Variants in TGFBR1 observed in about 807,000 individuals in gnomAD.
TGFBR1 encodes TGF-beta receptor type-1.
A neutral mutation model predicts 55.1 loss-of-function variants in TGFBR1; 20 were observed. The observed-to-expected ratio is 0.36, with a 90% CI of 0.26 to 0.53. The LOEUF (loss-of-function observed/expected upper bound fraction) is 0.53. TGFBR1 is among the 20% of genes least tolerant of loss of function. The pLI is 0.91. For synonymous variants in TGFBR1, 220 were observed against 214.8 expected, an observed-to-expected ratio of 1.02 and a Z score of -0.21; for missense variants, 385 against 617.6, an observed-to-expected ratio of 0.62 and a Z score of 3.99.
In TGFBR1 at chr9:99,129,101, G is replaced by A. The variant is rs144775920; in HGVS notation, c.343+1G>A. On this transcript the variant is annotated splice_donor_variant, in intron 2 of 8. Transcript: ENST00000374994. LOFTEE classifies it high-confidence loss of function. ...AATAAAATAGAACTTCCAACTACTGGTAAGTTGTATAAAATTTTTTTCCTA... is the reference window on the plus strand; with the variant it reads ...AATAAAATAGAACTTCCAACTACTGATAAGTTGTATAAAATTTTTTTCCTA... 6.2e-7 allele frequency: 1 copy of A among 1,613,622 alleles called. No individual in the cohort carries two copies. Among genetic ancestry groups the A allele is most frequent in the African/African-American group, 1.3e-5 (1 of 74,966 alleles).
chr9:99,104,348 C>T (rs958456925), upstream of TGFBR1, among the ~76,000 whole-genome samples: 1 of 152,018 alleles, frequency 6.6e-6, no homozygotes, highest in Non-Finnish European at 1.5e-5. Flanking sequence ...GAGAGGAGTG[C>T]GGCTTGGATC....
At chr9:99,133,631 T>C (rs1438140147) in intron 3 of TGFBR1, among the ~76,000 whole-genome samples, 1 of 152,216 alleles carries the variant, frequency 6.6e-6, no homozygotes, top group Non-Finnish European at 1.5e-5. Flanking sequence ...GTTTCCTCTT[T>C]GGGCTTCTGT....
intron 1 of TGFBR1, among the ~76,000 whole-genome samples, chr9:99,127,166 C>G (rs1827065857): frequency 6.6e-6 from 1 of 152,168 alleles, no homozygotes; most frequent in South Asian, 2.1e-4. Context: ...GGGGTGAAGT[C>G]TAGGAGAAAT....
intron 3 of TGFBR1, among the ~76,000 whole-genome samples, chr9:99,136,305 T>C (rs768257547): frequency 1.3e-5 from 2 of 152,262 alleles, no homozygotes; most frequent in Non-Finnish European, 2.9e-5. Context: ...CCTGTTGGCC[T>C]TTCTTGACCA....
chr9:99,121,141 G>GA (rs1254844318), intron 1 of TGFBR1, among the ~76,000 whole-genome samples: 3 of 152,096 alleles, frequency 2.0e-5, no homozygotes, highest in Non-Finnish European at 2.9e-5. Flanking sequence ...AATTTATCTG[G>GA]AAAAAAATCA....
In TGFBR1 at chr9:99,151,405, T is replaced by TG. The variant is rs1234828152; in HGVS notation, c.*2100_*2101insG. On this transcript the variant is annotated 3_prime_UTR_variant, in exon 9 of 9. Transcript: ENST00000374994. Reference sequence around the variant, plus strand: ...GTGGGGGTTTTTTTTTTGTTTTTTTTTTTTTGTTGTTGTTTTTGGGCCATT... The same window carrying TG: ...GTGGGGGTTTTTTTTTTGTTTTTTTTGTTTTTGTTGTTGTTTTTGGGCCATT... The TG allele has an allele frequency of 2.5e-4, 54 of 219,068 alleles. No homozygotes were observed. Among genetic ancestry groups the TG allele is most frequent in the Admixed American group, 2.9e-4 (5 of 16,950 alleles). 13.6% of individuals were successfully genotyped at this position (219,068 alleles called of 1,614,324 possible). A position where few individuals can be genotyped will look rare whatever the true frequency, so the allele number is the denominator to read the frequency against.
chr9:99,128,648 T>G (rs1235500809), intron 1 of TGFBR1: 7 of 728,266 alleles, frequency 9.6e-6, no homozygotes, highest in Non-Finnish European at 1.6e-5. Flanking sequence ...GTTGCTACAT[T>G]TCCTTGGGCT....
Position 99,151,735 on chromosome 9 carries a change from C to G in TGFBR1, c.*2430C>G, listed in dbSNP as rs1827983460. The G allele has an allele frequency of 4.5e-6, 1 of 220,996 alleles. No individual in the cohort carries two copies. The highest frequency in any genetic ancestry group is 9.1e-6 in the Non-Finnish European group (1 of 110,180). 13.7% of individuals were successfully genotyped at this position (220,996 alleles called of 1,614,324 possible). On this transcript the variant is annotated 3_prime_UTR_variant, in exon 9 of 9. Transcript: ENST00000374994. ...CTTTACGTATTACTGCAGTTAATTC[C>G]TTTTTTGGCTAGGGATGGTTTGATA...
At chr9:99,123,307 A>G (rs1826947242) in intron 1 of TGFBR1, among the ~76,000 whole-genome samples, 1 of 152,132 alleles carries the variant, frequency 6.6e-6, no homozygotes, top group South Asian at 2.1e-4. Context: ...TGTAAAGCTT[A>G]GAGAAATGTG....
rs1828021072 is a variant in TGFBR1, at chr9:99,153,071, T to TA, written c.*3767dup. On this transcript the variant is annotated 3_prime_UTR_variant, in exon 9 of 9. Transcript: ENST00000374994. The stretch of plus-strand genomic sequence containing the variant: ...CTGAATATCATGAACCATGTTTTGA[T>TA]ACCCCTTTTTCACGTTGTGCCAACG... 1 of 227,918 alleles carries TA rather than the reference T, an allele frequency of 4.4e-6. No homozygotes were observed. The highest frequency in any genetic ancestry group is 1.8e-4 in the South Asian group (1 of 5,478). The allele number at this position is 227,918 out of a possible 1,614,324, so 14.1% of individuals were successfully genotyped here. A position where few individuals can be genotyped will look rare whatever the true frequency, so the allele number is the denominator to read the frequency against.
chr9:99,129,270 C>T (rs796549575), intron 2 of TGFBR1, among the ~76,000 whole-genome samples, 170 bp downstream of exon 2: 1 of 152,290 alleles, frequency 6.6e-6, no homozygotes, highest in African/African-American at 2.4e-5. Context: ...AAGATCCTGC[C>T]TCCTGGGTAT....
chr9:99,153,684 G>A lies in TGFBR1; in HGVS notation c.*4379G>A, dbSNP rs557308076. The A allele has an allele frequency of 1.1e-4, 21 of 198,292 alleles. No individual in the cohort carries two copies. The highest frequency in any genetic ancestry group is 9.1e-4 in the Admixed American group (15 of 16,546). 12.3% of individuals were successfully genotyped at this position (198,292 alleles called of 1,614,324 possible). A position where few individuals can be genotyped will look rare whatever the true frequency, so the allele number is the denominator to read the frequency against. The stretch of plus-strand genomic sequence containing the variant: ...GCATATTTTAAAATAAAGTGTATAC[G>A]TTGGAATGAGTCATGCCATATGTAG... On this transcript the variant is annotated 3_prime_UTR_variant, in exon 9 of 9. Transcript: ENST00000374994.
At chr9:99,115,317 A>C (rs764287625) in intron 1 of TGFBR1, among the ~76,000 whole-genome samples, 1 of 152,096 alleles carries the variant, frequency 6.6e-6, no homozygotes, top group African/African-American at 2.4e-5. Context: ...TAGATTTCCT[A>C]GGTGTAAACC....
intron 2 of TGFBR1, among the ~76,000 whole-genome samples, chr9:99,131,623 A>G: frequency 6.8e-6 from 1 of 148,010 alleles, no homozygotes; most frequent in Non-Finnish European, 1.5e-5. Context: ...AAGTATATAT[A>G]TGCAAACTCT....
rs1008782520 is a variant in TGFBR1 at position 99,152,445 on chromosome 9, T to A, written c.*3140T>A. ...GTGCTCAAGAAGTGCCTTGAGTTGG[T>A]GTACAGTGCCATGGCCATCAAGAAT... On this transcript the variant is annotated 3_prime_UTR_variant, in exon 9 of 9. Transcript: ENST00000374994. 3 of 229,888 alleles carry A rather than the reference T, an allele frequency of 1.3e-5. No homozygotes were observed. Among genetic ancestry groups the A allele is most frequent in the African/African-American group, 6.6e-5 (3 of 45,114 alleles). 14.2% of individuals were successfully genotyped at this position (229,888 alleles called of 1,614,324 possible).
chr9:99,117,932 C>T (rs1826795145), intron 1 of TGFBR1, among the ~76,000 whole-genome samples: 1 of 152,242 alleles, frequency 6.6e-6, no homozygotes, highest in African/African-American at 2.4e-5. Flanking sequence ...GACCTCTTTA[C>T]AGTATTGAAT....
chr9:99,107,401 T>C (rs778935728), intron 1 of TGFBR1, among the ~76,000 whole-genome samples: 1 of 152,236 alleles, frequency 6.6e-6, no homozygotes, highest in African/African-American at 2.4e-5. Flanking sequence ...AATTGATTCC[T>C]TATCCCTAGT....
chr9:99,135,836 T>C (rs1827421489), intron 3 of TGFBR1, among the ~76,000 whole-genome samples: 1 of 151,314 alleles, frequency 6.6e-6, no homozygotes, highest in South Asian at 2.1e-4. Context: ...GTTTTGTCTT[T>C]AGAAGAAAAT....
intron 4 of TGFBR1, among the ~76,000 whole-genome samples, chr9:99,142,189 C>T (rs1827634457): frequency 6.6e-6 from 1 of 152,158 alleles, no homozygotes. Context: ...CCAGGAACAG[C>T]CACTGAGCAC....
Sources: gnomAD v4.1 joint callset for allele counts (sites outside exome capture counted in the v4.1 genomes callset) on GRCh38, gnomAD v4.1.1 for gene constraint, MANE v1.5 for transcripts, NCBI Gene and HGNC (gene_info 2026-07-23, HGNC 2026-07-21) for gene names.